The following AVL9 variants were observed in gnomAD, a reference collection of about 807,000 sequenced individuals.
AVL9 encodes late secretory pathway protein AVL9 homolog.
AVL9 carries 49 observed loss-of-function variants against 79.2 expected under a neutral mutation model. The ratio of observed to expected loss-of-function variants is 0.62; its 90% CI spans 0.49 to 0.79. AVL9 has a LOEUF of 0.79. Among genes scored for constraint, AVL9 ranks in the 30% least tolerant of loss-of-function variants. The pLI is 0.00. For missense variants in AVL9, 682 were observed against 776.8 expected, an observed-to-expected ratio of 0.88 and a Z score of 1.45; for synonymous variants, 299 against 280.6, an observed-to-expected ratio of 1.07 and a Z score of -0.65.
At chr7:32,540,641 A>T (rs1160689132) in intron 1 of AVL9, among the ~76,000 whole-genome samples, 4 of 152,120 alleles carry the variant, frequency 2.6e-5, no homozygotes, top group Non-Finnish European at 4.4e-5. Context: ...TGAGCCTTAA[A>T]GCCACCTCAG....
chr7:32,565,983 A>C (rs1458033878), intron 10 of AVL9, among the ~76,000 whole-genome samples: 1 of 148,828 alleles, frequency 6.7e-6, no homozygotes, highest in Non-Finnish European at 1.5e-5. Context: ...ACTCCAAAAA[A>C]AAAAAAGGCT....
intron 1 of AVL9, among the ~76,000 whole-genome samples, chr7:32,539,706 A>T (rs974710150): frequency 2.0e-5 from 3 of 152,222 alleles, no homozygotes; most frequent in Non-Finnish European, 4.4e-5. Flanking sequence ...CAAATTTATT[A>T]AAGTTCTGAG....
At position 32,544,726 on chromosome 7, in the gene AVL9, G is replaced by A. The variant is rs749224451; in HGVS notation, c.247G>A (p.Gly83Arg). 4 of 1,613,740 alleles carry A rather than the reference G, an allele frequency of 2.5e-6. No homozygotes were observed. The highest frequency in any genetic ancestry group is 3.4e-6 in the Non-Finnish European group (4 of 1,179,826). ...TVFFHLPPRN[G>R]NGATVFGISC... ...GTTTTTTCACTTGCCACCCAGAAAT[G>A]GAAATGGAGCCACAGTATTTGGTAT... is the stretch of plus-strand genomic sequence containing the variant. Residue 83 changes from glycine (G) to arginine (R), a missense_variant, in exon 3 of 16, where the codon GGA becomes AGA. Gly to Arg is a moderately radical substitution (Grantham distance 125, BLOSUM62 -2). Transcript: ENST00000318709.
rs1791794904 is a variant in AVL9, at chr7:32,586,476, A to ACC, written c.*2570_*2571insCC. 2 of 124,418 alleles carry ACC rather than the reference A, an allele frequency of 1.6e-5. No individual in the cohort carries two copies. The highest frequency in any genetic ancestry group is 6.1e-5 in the African/African-American group (2 of 32,718). The allele number at this position is 124,418 out of a possible 1,614,324, so 7.7% of individuals were successfully genotyped here. On this transcript the variant is annotated 3_prime_UTR_variant, in exon 16 of 16. Transcript: ENST00000318709. Reference sequence around the variant, plus strand: ...TGGTCCTGTGACCCCCCCCCCCCACACACACACATACTTCAGGCTTGGATT... The same window carrying ACC: ...TGGTCCTGTGACCCCCCCCCCCCACACCCACACACATACTTCAGGCTTGGATT...
rs776037914 is a variant in AVL9, at chr7:32,544,786, T to C, written c.300+7T>C. 31 of 1,606,786 alleles carry C rather than the reference T, an allele frequency of 1.9e-5. No homozygotes were observed. The highest frequency in any genetic ancestry group is 2.6e-5 in the Non-Finnish European group (31 of 1,174,346). ...TCGACAAATTGAAGCCAAGGTACGA[T>C]AGTTAATAGTGAAAAACAATTCCAA... On this transcript the variant is annotated splice_region_variant and intron_variant, in intron 3 of 15. Coordinates refer to ENST00000318709, the MANE Select transcript of AVL9 (RefSeq NM_015060.3).
At chr7:32,503,339 T>G (rs185478138) in intron 1 of AVL9, among the ~76,000 whole-genome samples, 1,785 of 88,818 alleles carry the variant, frequency 0.02, 70 homozygotes, top group African/African-American at 0.062. Flanking sequence ...TATATCTATA[T>G]ATATAGATAT....
chr7:32,570,055 GCAT>G lies in AVL9; in HGVS notation c.1256_1258del (p.His419del), dbSNP rs1251337565. 3 of 1,614,086 alleles carry G rather than the reference GCAT, an allele frequency of 1.9e-6. No individual in the cohort carries two copies. Among genetic ancestry groups the G allele is most frequent in the African/African-American group, 1.3e-5 (1 of 74,938 alleles). ...GTTTGCCTTACATGGCATTGCAGCA[GCAT>G]CATCTTCTCTCCGATGTCACCGTTC... On this transcript the variant is annotated inframe_deletion, in exon 11 of 16. Transcript: ENST00000318709.
chr7:32,524,736 G>A (rs914256403), intron 1 of AVL9, among the ~76,000 whole-genome samples: 5 of 152,170 alleles, frequency 3.3e-5, no homozygotes, highest in Non-Finnish European at 7.3e-5. Context: ...TGCTAGTTGG[G>A]ACAAATCCTC....
intron 6 of AVL9, among the ~76,000 whole-genome samples, chr7:32,553,060 A>G (rs1789905420): frequency 6.6e-6 from 1 of 152,184 alleles, no homozygotes. Context: ...TGCTCACTCA[A>G]TTCCAATTTC....
intron 1 of AVL9, chr7:32,538,659 A>G (rs925379221): frequency 6.6e-6 from 1 of 152,214 alleles, no homozygotes; most frequent in African/African-American, 2.4e-5. Flanking sequence ...AGCAGTGTAT[A>G]TAGATTTTCA....
chr7:32,540,113 T>C (rs549926580), intron 1 of AVL9, among the ~76,000 whole-genome samples: 97 of 152,370 alleles, frequency 6.4e-4, no homozygotes, highest in Middle Eastern at 3.4e-3. Context: ...CGTCTTGCTT[T>C]ATCAGTATAT....
chr7:32,555,824 T>C (rs1790030980), intron 8 of AVL9, among the ~76,000 whole-genome samples: 1 of 152,204 alleles, frequency 6.6e-6, no homozygotes, highest in Non-Finnish European at 1.5e-5. Flanking sequence ...ATATCCACTT[T>C]AGTTCATTAC....
At chr7:32,527,119 C>T (rs1788435584) in intron 1 of AVL9, among the ~76,000 whole-genome samples, 1 of 152,154 alleles carries the variant, frequency 6.6e-6, no homozygotes, top group South Asian at 2.1e-4. Context: ...GTCAGACCCT[C>T]CAAATCAAGG....
chr7:32,538,129 G>T (rs1316310840), intron 1 of AVL9: 1 of 152,186 alleles, frequency 6.6e-6, no homozygotes, highest in Non-Finnish European at 1.5e-5. Context: ...TCTTCCTTCA[G>T]TAGAGTTGCG....
intron 11 of AVL9, among the ~76,000 whole-genome samples, chr7:32,572,781 G>A (rs1161227065): frequency 1.7e-4 from 20 of 114,610 alleles, no homozygotes; most frequent in African/African-American, 6.5e-4. Flanking sequence ...CAGCCTGGGC[G>A]ACAGAGCAAG....
chr7:32,567,362 A>G (rs1477184767), intron 10 of AVL9, among the ~76,000 whole-genome samples: 2 of 152,184 alleles, frequency 1.3e-5, no homozygotes, highest in Non-Finnish European at 2.9e-5. Context: ...TTGGCCTCCC[A>G]AAGTGCTGGG....
At chr7:32,570,720 A>G (rs1361375775) in intron 11 of AVL9, among the ~76,000 whole-genome samples, 1 of 151,356 alleles carries the variant, frequency 6.6e-6, no homozygotes, top group East Asian at 2.0e-4. Flanking sequence ...CCTGGGTTCA[A>G]GCAATTCTTC....
chr7:32,551,737 G>A (rs971642945), intron 5 of AVL9, among the ~76,000 whole-genome samples: 1 of 148,048 alleles, frequency 6.8e-6, no homozygotes, highest in Non-Finnish European at 1.5e-5. Flanking sequence ...TTAATAAACT[G>A]CACAGTATTT....
At chr7:32,525,806 C>G (rs563127741) in intron 1 of AVL9, among the ~76,000 whole-genome samples, 1 of 152,162 alleles carries the variant, frequency 6.6e-6, no homozygotes, top group Non-Finnish European at 1.5e-5. Flanking sequence ...ACCAGTCTCC[C>G]TCCTTTGGCA....
Sources: allele counts gnomAD v4.1 joint callset (sites outside exome capture counted in the v4.1 genomes callset), GRCh38; gene constraint gnomAD v4.1.1; transcripts MANE v1.5; gene names NCBI Gene and HGNC (gene_info 2026-07-23, HGNC 2026-07-21).